The following ADGRE1 variants were observed in gnomAD, a reference collection of about 807,000 sequenced individuals.
The protein encoded by ADGRE1 is EGF-like module receptor 1.
ADGRE1 carries 82 observed loss-of-function variants against 102.7 expected under a neutral mutation model. The observed-to-expected ratio is 0.80, with a 90% CI of 0.67 to 0.96. The LOEUF (loss-of-function observed/expected upper bound fraction) is 0.96. ADGRE1 is among the 40% of genes least tolerant of loss of function. The pLI is 0.00. For synonymous variants in ADGRE1, 398 were observed against 399.6 expected, an observed-to-expected ratio of 1.00 and a Z score of 0.05; for missense variants, 1,032 against 1,085.3, an observed-to-expected ratio of 0.95 and a Z score of 0.69.
chr19:6,938,944 C>T (rs553566261), intron 20 of ADGRE1, among the ~76,000 whole-genome samples: 8 of 151,794 alleles, frequency 5.3e-5, no homozygotes, highest in South Asian at 2.1e-4. Context: ...TACAGGCGCC[C>T]GCCAGCACAC....
At chr19:6,921,950 T>C in intron 14 of ADGRE1, 67 bp downstream of exon 14, 1 of 1,525,842 alleles carries the variant, frequency 6.6e-7, no homozygotes, top group Non-Finnish European at 8.9e-7. Context: ...AAAATATTGA[T>C]TAAACATCTG....
At chr19:6,902,061 G>C (rs1241800188) in intron 6 of ADGRE1, 40 bp downstream of exon 6, 2 of 1,610,568 alleles carry the variant, frequency 1.2e-6, no homozygotes, top group Admixed American at 1.7e-5. Context: ...GTCCAAGTCT[G>C]TTTGAAAAGA....
intron 10 of ADGRE1, among the ~76,000 whole-genome samples, chr19:6,911,576 A>G (rs1974185092): frequency 6.8e-6 from 1 of 147,456 alleles, no homozygotes; most frequent in African/African-American, 2.7e-5. Context: ...CTATCTTTTT[A>G]CCTTGTAAGC....
chr19:6,887,658 G>A lies in ADGRE1; in HGVS notation c.31+19G>A. 2.5e-6 allele frequency: 4 copies of A among 1,605,692 alleles called. No homozygotes were observed. The highest frequency in any genetic ancestry group is 1.7e-5 in the Admixed American group (1 of 58,112). ...TTCTGGGGTGAGTGTGAGGCTGAAT[G>A]GGGGGCTAGGGGAGGCCTGGATTGG... On this transcript the variant is annotated intron_variant, in intron 1 of 20. Coordinates refer to ENST00000312053, the MANE Select transcript of ADGRE1 (RefSeq NM_001974.5).
Position 6,887,580 on chromosome 19 carries a change from T to C in ADGRE1, c.-29T>C, listed in dbSNP as rs774526591. On this transcript the variant is annotated 5_prime_UTR_variant, in exon 1 of 21. Transcript: ENST00000312053. ...AACCCAGCGTTAGTAGAAAAGTTTC[T>C]TTTCTTTGAATGACAGAACTACAGC... 2.5e-5 allele frequency: 41 copies of C among 1,611,134 alleles called. No individual in the cohort carries two copies. The highest frequency in any genetic ancestry group is 3.3e-5 in the Non-Finnish European group (39 of 1,178,898).
intron 20 of ADGRE1, among the ~76,000 whole-genome samples, chr19:6,939,413 AT>A (rs1459768943): frequency 3.3e-5 from 5 of 152,178 alleles, no homozygotes; most frequent in Admixed American, 1.3e-4. Context: ...AAATAGGGAA[AT>A]GATTTTCCTT....
At position 6,896,636 on chromosome 19, in the gene ADGRE1, T is replaced by C. The variant is rs555638697; in HGVS notation, c.238+95T>C. The C allele has an allele frequency of 1.4e-3, 1,786 of 1,233,340 alleles. 3 individuals are homozygous for C. The highest frequency in any genetic ancestry group is 2.2e-3 in the Admixed American group (83 of 37,986). 76.4% of individuals were successfully genotyped at this position (1,233,340 alleles called of 1,614,324 possible). ...AATGTAGGTACTCCCCCACCCCCCA[T>C]TTTTTTTTAAATCTGGTTTAACTAT... On this transcript the variant is annotated intron_variant, in intron 3 of 20. Transcript: ENST00000312053.
At position 6,903,683 on chromosome 19, in the gene ADGRE1, T is replaced by C; in HGVS notation, c.662-127T>C. ...GACCTCACCTAGATGCAGAGGGTTCTAGGAAATGTAGTCCCTGGCTGGGAC... is the reference window on the plus strand; with the variant it reads ...GACCTCACCTAGATGCAGAGGGTTCCAGGAAATGTAGTCCCTGGCTGGGAC... On this transcript the variant is annotated intron_variant, in intron 6 of 20. Transcript: ENST00000312053. 2.4e-6 allele frequency: 3 copies of C among 1,244,914 alleles called. No homozygotes were observed. The South Asian group carries it at 4.1e-5, about 17-fold the overall frequency. The allele number at this position is 1,244,914 out of a possible 1,614,324, so 77.1% of individuals were successfully genotyped here.
At chr19:6,889,022 T>C (rs1478830914) in intron 1 of ADGRE1, among the ~76,000 whole-genome samples, 1 of 152,006 alleles carries the variant, frequency 6.6e-6, no homozygotes, top group Non-Finnish European at 1.5e-5. Context: ...ATGGTGATGA[T>C]GATGATGATG....
intron 18 of ADGRE1, among the ~76,000 whole-genome samples, chr19:6,936,577 A>T (rs2145039179): frequency 6.6e-6 from 1 of 150,844 alleles, no homozygotes; most frequent in East Asian, 2.0e-4. Context: ...GGCTTTTCGT[A>T]CATTCACAGT....
At chr19:6,924,651 G>A (rs775975109) in intron 14 of ADGRE1, 27 bp from the exon 15 acceptor site, 2 of 1,601,660 alleles carry the variant, frequency 1.2e-6, no homozygotes, top group South Asian at 1.1e-5. Flanking sequence ...CCATTCTCAG[G>A]CCAACTCTGA....
At position 6,937,279 on chromosome 19, in the gene ADGRE1, C is replaced by A. The variant is rs1975451842; in HGVS notation, c.2418C>A (p.Ile806=). 2 of 1,614,016 alleles carry A rather than the reference C, an allele frequency of 1.2e-6. No individual in the cohort carries two copies. Among genetic ancestry groups the A allele is most frequent in the East Asian group, 2.2e-5 (1 of 44,884 alleles). Residue 806 remains isoleucine (I), a synonymous_variant, in exon 19 of 21, where the codon ATC becomes ATA. Coordinates refer to ENST00000312053, the MANE Select transcript of ADGRE1 (RefSeq NM_001974.5). ...TCAAGGCCTTTGCCCAGCTCTTCAT[C>A]CTGGGCTGCTCCTGGGTGCTGGGCA... The part of the protein sequence containing the change: ...LTFKAFAQLF[I]LGCSWVLGIF...
chr19:6,895,707 C>T (rs1973522414), intron 2 of ADGRE1: 2 of 152,218 alleles, frequency 1.3e-5, no homozygotes, highest in South Asian at 4.1e-4. Context: ...GCTTCTCAAA[C>T]TTCCCTGTGC....
rs759299541 is a variant in ADGRE1, at chr19:6,926,384, G to A, written c.2005G>A (p.Ala669Thr). The change falls in exon 16 of 21, where the codon GCG becomes ACG. Residue 669 changes from alanine to threonine, a missense_variant. Physicochemically the swap from Ala to Thr is moderately conservative, Grantham distance 58. Coordinates refer to ENST00000312053, the MANE Select transcript of ADGRE1 (RefSeq NM_001974.5). ...TDNKMGCAII[A>T]GFLHYLFLAC... Reference sequence around the variant, plus strand: ...CCTCCAGATGGGCTGCGCCATCATCGCGGGCTTCCTGCACTACCTTTTCCT... The same window carrying A: ...CCTCCAGATGGGCTGCGCCATCATCACGGGCTTCCTGCACTACCTTTTCCT... The A allele has an allele frequency of 5.6e-6, 9 of 1,613,988 alleles. No individual in the cohort carries two copies. The highest frequency in any genetic ancestry group is 3.3e-5 in the South Asian group (3 of 91,070).
rs73486681 is a variant in ADGRE1, at chr19:6,920,228, C to T, written c.1620+481C>T. Reference sequence around the variant, plus strand: ...CCTGGATCCTGCTATGTGGTGGTTGCTTCTTTTTTTTTTTTTAGTCTCACT... The same window carrying T: ...CCTGGATCCTGCTATGTGGTGGTTGTTTCTTTTTTTTTTTTTAGTCTCACT... On this transcript the variant is annotated intron_variant, in intron 13 of 20. Coordinates refer to ENST00000312053, the MANE Select transcript of ADGRE1 (RefSeq NM_001974.5). 2.2e-3 allele frequency among the ~76,000 whole-genome samples: 328 copies of T among 148,882 alleles called. 15 individuals carry two copies. Among genetic ancestry groups the T allele is most frequent in the African/African-American group, 2.2e-3 (87 of 39,970 alleles).
Position 6,921,867 on chromosome 19 carries a change from C to A in ADGRE1, c.1775C>A (p.Ala592Glu), listed in dbSNP as rs367934977. Residue 592 changes from alanine (A) to glutamate (E), a missense_variant, in exon 14 of 21, where the codon GCG becomes GAG. Physicochemically the swap from Ala to Glu is moderately radical, Grantham distance 107 (BLOSUM62 -1). Coordinates refer to ENST00000312053, the MANE Select transcript of ADGRE1 (RefSeq NM_001974.5). ...NQMANLAVIMASGELTMDFSL... is the reference protein window; with the variant it reads ...NQMANLAVIMESGELTMDFSL... ...ATGGCAAATCTTGCCGTTATCATGGCGTCTGGGGAGCTCACGGTCAGTACT... is the reference window on the plus strand; with the variant it reads ...ATGGCAAATCTTGCCGTTATCATGGAGTCTGGGGAGCTCACGGTCAGTACT... The A allele has an allele frequency of 5.0e-6, 8 of 1,613,422 alleles. No individual in the cohort carries two copies. Among genetic ancestry groups the A allele is most frequent in the Non-Finnish European group, 6.8e-6 (8 of 1,179,796 alleles).
At chr19:6,930,300 G>A (rs866437424) in intron 17 of ADGRE1, among the ~76,000 whole-genome samples, 11 of 152,188 alleles carry the variant, frequency 7.2e-5, no homozygotes, top group Non-Finnish European at 1.5e-4. Flanking sequence ...AGGGAGGCCA[G>A]GGAATGTTAA....
chr19:6,917,043 G>A (rs1307377183), intron 12 of ADGRE1, among the ~76,000 whole-genome samples: 1 of 152,130 alleles, frequency 6.6e-6, no homozygotes, highest in Admixed American at 6.5e-5. Flanking sequence ...ACTATTTTAA[G>A]CATTGCAATT....
intron 5 of ADGRE1, among the ~76,000 whole-genome samples, chr19:6,900,255 G>A (rs10422644): frequency 0.11 from 15,856 of 150,746 alleles, 2,767 homozygotes; most frequent in African/African-American, 0.36. Context: ...TGGGAGAATC[G>A]CTTAAGACCA....
Sources: gnomAD v4.1 joint callset for allele counts (sites outside exome capture counted in the v4.1 genomes callset) on GRCh38, gnomAD v4.1.1 for gene constraint, MANE v1.5 for transcripts, NCBI Gene and HGNC (gene_info 2026-07-23, HGNC 2026-07-21) for gene names.